RXYLT1: variants seen among roughly 807,000 people sequenced by gnomAD.
RXYLT1 encodes ribitol xylosyltransferase 1.
A neutral mutation model predicts 43.5 loss-of-function variants in RXYLT1; 41 were observed. The observed-to-expected ratio is 0.94, with a 90% CI of 0.73 to 1.22. RXYLT1 has a LOEUF of 1.22. Ranked by LOEUF, RXYLT1 falls within the 50% of genes most tolerant of loss-of-function variation. The probability of loss-of-function intolerance (pLI) is 0.00; values close to 1 mark genes in which losing one functional copy is unlikely to be tolerated. For synonymous variants in RXYLT1, 166 were observed against 194.4 expected (o/e 0.85, Z 1.21); for missense variants, 514 against 532.0 (o/e 0.97, Z 0.33).
chr12:63,788,750 A>G (rs1172266389), intron 3 of RXYLT1, among the ~76,000 whole-genome samples: 1 of 152,212 alleles, frequency 6.6e-6, no homozygotes, highest in Non-Finnish European at 1.5e-5. Context: ...AGACTATTTC[A>G]CCTTCACATC....
intron 5 of RXYLT1, chr12:63,806,615 AG>A (rs1592857343): frequency 6.6e-6 from 1 of 152,226 alleles, no homozygotes; most frequent in Non-Finnish European, 1.5e-5. Context: ...AAAATAACAA[AG>A]GTTATTATGG....
At chr12:63,784,708 C>CT (rs2136221717) in intron 2 of RXYLT1, among the ~76,000 whole-genome samples, 1 of 152,256 alleles carries the variant, frequency 6.6e-6, no homozygotes, top group South Asian at 2.1e-4. Context: ...TTTCTCAAAT[C>CT]TAGAGTAGGA....
intron 2 of RXYLT1, chr12:63,782,619 C>A (rs1052054002): frequency 2.2e-6 from 1 of 456,584 alleles, no homozygotes; most frequent in Non-Finnish European, 4.4e-6. Flanking sequence ...AGGATTCACT[C>A]CATTAGATGG....
In RXYLT1 at chr12:63,802,027, T is replaced by C. The variant is rs1421543219; in HGVS notation, c.429-64T>C. On this transcript the variant is annotated intron_variant, in intron 3 of 5. Coordinates refer to ENST00000261234, the MANE Select transcript of RXYLT1 (RefSeq NM_014254.3). ...GATTTTGTATAAAATGATGAATTTCTGATACCACATACCTTTGTTCAGGCT... is the reference window on the plus strand; with the variant it reads ...GATTTTGTATAAAATGATGAATTTCCGATACCACATACCTTTGTTCAGGCT... The C allele has an allele frequency of 5.0e-6, 7 of 1,412,786 alleles. No individual in the cohort carries two copies. The African/African-American group carries it at 8.7e-5, about 18-fold the overall frequency. 87.5% of individuals were successfully genotyped at this position (1,412,786 alleles called of 1,614,324 possible). A position where few individuals can be genotyped will look rare whatever the true frequency, so the allele number is the denominator to read the frequency against.
intron 3 of RXYLT1, among the ~76,000 whole-genome samples, chr12:63,794,385 T>G (rs907646606): frequency 6.6e-6 from 1 of 152,186 alleles, no homozygotes; most frequent in Non-Finnish European, 1.5e-5. Context: ...CACCAAAATA[T>G]CATTGCTCCC....
At chr12:63,783,610 T>G (rs969591737) in intron 2 of RXYLT1, among the ~76,000 whole-genome samples, 1 of 152,208 alleles carries the variant, frequency 6.6e-6, no homozygotes, top group African/African-American at 2.4e-5. Flanking sequence ...ATCTGCAGGT[T>G]ATTCAAGGCA....
chr12:63,783,068 C>A (rs1897720121), intron 2 of RXYLT1, among the ~76,000 whole-genome samples: 1 of 152,176 alleles, frequency 6.6e-6, no homozygotes, highest in African/African-American at 2.4e-5. Context: ...AGGATACAAT[C>A]CAACTAAGCT....
Position 63,785,036 on chromosome 12 carries a change from G to A in RXYLT1, c.392G>A (p.Arg131Lys). The A allele has an allele frequency of 6.2e-7, 1 of 1,613,856 alleles. No individual in the cohort carries two copies. The highest frequency in any genetic ancestry group is 8.5e-7 in the Non-Finnish European group (1 of 1,179,798). The change falls in exon 3 of 6, where the codon AGA (arginine) becomes AAA (lysine). Residue 131 changes from arginine (R) to lysine (K), a missense_variant. Physicochemically the swap from Arg to Lys is conservative, Grantham distance 26. Coordinates refer to ENST00000261234, the MANE Select transcript of RXYLT1 (RefSeq NM_014254.3). ...LDPSDVTAQW[R>K]EGKSIVGRTQ... ...CCCAGCGATGTGACTGCTCAATGGA[G>A]AGAAGGAAAGTCAATCGTAGGAAGA...
chr12:63,804,306 A>G (rs1289491749), intron 4 of RXYLT1: 1 of 152,238 alleles, frequency 6.6e-6, no homozygotes, highest in Non-Finnish European at 1.5e-5. Context: ...TGCTGAGGCT[A>G]AGAAACCCTG....
intron 1 of RXYLT1, chr12:63,780,458 G>T (rs1429417643): frequency 1.7e-6 from 2 of 1,163,818 alleles, no homozygotes; most frequent in Middle Eastern, 3.5e-4. Context: ...CAAAATCGCC[G>T]CAAGGTTTAA....
chr12:63,781,553 A>G (rs1235502683), intron 2 of RXYLT1, among the ~76,000 whole-genome samples: 2 of 152,268 alleles, frequency 1.3e-5, no homozygotes, highest in Non-Finnish European at 2.9e-5. Flanking sequence ...CATTTGGGAA[A>G]CACTGAAGAG....
chr12:63,784,210 C>T (rs777557559), intron 2 of RXYLT1, among the ~76,000 whole-genome samples: 20 of 152,148 alleles, frequency 1.3e-4, no homozygotes, highest in East Asian at 3.8e-4. Context: ...ATTTGGAAAG[C>T]GTTATCTAAT....
In RXYLT1 at chr12:63,805,361, A is replaced by C; in HGVS notation, c.871A>C (p.Lys291Gln). 6.2e-7 allele frequency: 1 copy of C among 1,610,476 alleles called. No homozygotes were observed. Among genetic ancestry groups the C allele is most frequent in the Non-Finnish European group, 8.5e-7 (1 of 1,178,954 alleles). Residue 291 changes from lysine to glutamine, a missense_variant, in exon 5 of 6, where the codon AAA becomes CAA. Transcript: ENST00000261234. ...ACAGGCACTAATGAACATTTTGAAAAAAGATGGGAACGATAAGCTTTGTTG... is the reference window on the plus strand; with the variant it reads ...ACAGGCACTAATGAACATTTTGAAACAAGATGGGAACGATAAGCTTTGTTG... ...SRQALMNILK[K>Q]DGNDKLCWVS...
intron 4 of RXYLT1, among the ~76,000 whole-genome samples, chr12:63,802,931 A>G (rs1898196190): frequency 6.6e-6 from 1 of 151,760 alleles, no homozygotes; most frequent in Admixed American, 6.6e-5. Context: ...GCACTTTGGG[A>G]GGCCAACTAG....
At chr12:63,786,695 A>G (rs565742025) in intron 3 of RXYLT1, among the ~76,000 whole-genome samples, 1 of 152,156 alleles carries the variant, frequency 6.6e-6, no homozygotes, top group Non-Finnish European at 1.5e-5. Context: ...GGCTGTGACA[A>G]TTTCTTAAAA....
At position 63,805,214 on chromosome 12, in the gene RXYLT1, A is replaced by T. The variant is rs1382952251; in HGVS notation, c.744-20A>T. The T allele has an allele frequency of 1.9e-6, 3 of 1,578,964 alleles. No individual in the cohort carries two copies. The highest frequency in any genetic ancestry group is 2.6e-6 in the Non-Finnish European group (3 of 1,166,064). On this transcript the variant is annotated intron_variant, in intron 4 of 5. Transcript: ENST00000261234. Reference sequence around the variant, plus strand: ...CCAATTCTATATCATATGTTAATTCATGTGTATTTATTTTTATAGATACAG... The same window carrying T: ...CCAATTCTATATCATATGTTAATTCTTGTGTATTTATTTTTATAGATACAG...
intron 3 of RXYLT1, among the ~76,000 whole-genome samples, chr12:63,791,073 G>A (rs1897911738): frequency 6.6e-6 from 1 of 152,046 alleles, no homozygotes; most frequent in African/African-American, 2.4e-5. Flanking sequence ...GCCCACAAAT[G>A]CCTTATTGAT....
chr12:63,803,702 A>G (rs1565906564), intron 4 of RXYLT1: 1 of 152,148 alleles, frequency 6.6e-6, no homozygotes, highest in Admixed American at 6.5e-5. Flanking sequence ...CAGAGCCTGC[A>G]TTTGTAAAAT....
At chr12:63,790,251 G>C (rs1897893194) in intron 3 of RXYLT1, 1 of 152,144 alleles carries the variant, frequency 6.6e-6, no homozygotes, top group Admixed American at 6.5e-5. Context: ...AATTATTTGA[G>C]GGTTGATTAC....
Sources: allele counts gnomAD v4.1 joint callset (sites outside exome capture counted in the v4.1 genomes callset), GRCh38; gene constraint gnomAD v4.1.1; transcripts MANE v1.5; gene names NCBI Gene and HGNC (gene_info 2026-07-23, HGNC 2026-07-21).